CD6: variants seen among roughly 807,000 people sequenced by gnomAD.
CD6 encodes T-cell differentiation antigen CD6.
A neutral mutation model predicts 75.3 loss-of-function variants in CD6; 53 were observed. The observed-to-expected ratio is 0.70, with a 90% confidence interval of 0.56 to 0.88. CD6 has a LOEUF of 0.88. Among genes scored for constraint, CD6 ranks in the 40% least tolerant of loss-of-function variants. CD6 has a pLI of 0.00. For missense variants in CD6, 770 were observed against 897.1 expected (o/e 0.86, Z 1.81); for synonymous variants, 359 against 381.5 (o/e 0.94, Z 0.69).
At chr11:60,990,412 TG>T (rs1238006692) in intron 1 of CD6, among the ~76,000 whole-genome samples, 4 of 152,210 alleles carry the variant, frequency 2.6e-5, no homozygotes, top group African/African-American at 9.6e-5. Flanking sequence ...TCAGTAGAGA[TG>T]GGGTTTCACC....
chr11:61,006,162 A>G (rs1858847241), intron 1 of CD6, among the ~76,000 whole-genome samples: 1 of 152,136 alleles, frequency 6.6e-6, no homozygotes, highest in Non-Finnish European at 1.5e-5. Context: ...AGCTTTTTCT[A>G]TATGTCAAGT....
At position 61,017,762 on chromosome 11, in the gene CD6, T is replaced by C; in HGVS notation, c.1586T>C (p.Leu529Pro). The change falls in exon 11 of 13, where the codon CTT becomes CCT. Residue 529 changes from leucine to proline, a missense_variant. Leu to Pro is a moderately conservative substitution (Grantham distance 98). Coordinates refer to ENST00000313421, the MANE Select transcript of CD6 (RefSeq NM_006725.5). Reference sequence around the variant, plus strand: ...CATTCTCCCTTTCCTGCCTTAGGACTTGAAGAGTTGCATGCCTCCCACATC... The same window carrying C: ...CATTCTCCCTTTCCTGCCTTAGGACCTGAAGAGTTGCATGCCTCCCACATC... ...RFQMPPLEEG[L>P]EELHASHIPT... 1 of 1,614,096 alleles carries C rather than the reference T, an allele frequency of 6.2e-7. No individual in the cohort carries two copies. Among genetic ancestry groups the C allele is most frequent in the African/African-American group, 1.3e-5 (1 of 75,030 alleles).
chr11:60,984,892 G>A (rs1055211120), intron 1 of CD6, among the ~76,000 whole-genome samples: 1 of 152,204 alleles, frequency 6.6e-6, no homozygotes, highest in Non-Finnish European at 1.5e-5. Flanking sequence ...GAGTTGGAGA[G>A]GCTGGCAGGG....
Position 61,015,732 on chromosome 11 carries a change from G to T in CD6, c.1407G>T (p.Gln469His). 1 of 1,614,142 alleles carries T rather than the reference G, an allele frequency of 6.2e-7. No homozygotes were observed. The highest frequency in any genetic ancestry group is 8.5e-7 in the Non-Finnish European group (1 of 1,180,028). The change falls in exon 9 of 13, where the codon CAG becomes CAT. Residue 469 changes from glutamine to histidine, a missense_variant. Gln to His is a conservative substitution (Grantham distance 24). Coordinates refer to ENST00000313421, the MANE Select transcript of CD6 (RefSeq NM_006725.5). ...IPKEVFMLPIQVQAPPPEDSD... is the reference protein window; with the variant it reads ...IPKEVFMLPIHVQAPPPEDSD... ...CCCCAGTTTTCATGCTGCCCATCCA[G>T]GTCCAGGCCCCGCCCCCTGAGGACT...
chr11:60,971,701 G>T lies in CD6; in HGVS notation c.-165G>T. On this transcript the variant is annotated 5_prime_UTR_variant, in exon 1 of 13. Transcript: ENST00000313421. The stretch of plus-strand genomic sequence containing the variant: ...AGACACTCACAGGTTGGGTTTGATC[G>T]CATGCGTGTCGGAGAGGAGAGAGCA... 1.5e-6 allele frequency: 1 copy of T among 658,184 alleles called. No individual in the cohort carries two copies. The highest frequency in any genetic ancestry group is 2.7e-6 in the Non-Finnish European group (1 of 375,856). The allele number at this position is 658,184 out of a possible 1,614,324, so 40.8% of individuals were successfully genotyped here.
chr11:60,995,025 C>T (rs901345757), intron 1 of CD6, among the ~76,000 whole-genome samples: 1 of 152,206 alleles, frequency 6.6e-6, no homozygotes, highest in African/African-American at 2.4e-5. Context: ...TCAGCCCAAC[C>T]GGGTGTCACA....
In CD6 at chr11:61,013,472, G is replaced by A. The variant is rs751038603; in HGVS notation, c.1200G>A (p.Met400Ile). The A allele has an allele frequency of 2.5e-5, 41 of 1,613,942 alleles. No homozygotes were observed. The highest frequency in any genetic ancestry group is 3.4e-5 in the Non-Finnish European group (40 of 1,179,918). ...KIENKESREL[M>I]LLIPSIVLGI... Reference sequence around the variant, plus strand: ...AGAACAAGGAATCTCGGGAGCTAATGCTCCTCATCCCCTCCATCGTTCTGG... The same window carrying A: ...AGAACAAGGAATCTCGGGAGCTAATACTCCTCATCCCCTCCATCGTTCTGG... The change falls in exon 7 of 13, where the codon ATG (methionine) becomes ATA (isoleucine). Residue 400 changes from methionine to isoleucine, a missense_variant. Coordinates refer to ENST00000313421, the MANE Select transcript of CD6 (RefSeq NM_006725.5).
intron 10 of CD6, 100 bp downstream of exon 10, chr11:61,017,650 T>C: frequency 6.3e-7 from 1 of 1,579,126 alleles, no homozygotes; most frequent in Non-Finnish European, 8.7e-7. Context: ...TCAATGAGTC[T>C]TTCCTGACTT....
intron 1 of CD6, among the ~76,000 whole-genome samples, chr11:60,990,054 G>C: frequency 6.6e-6 from 1 of 151,400 alleles, no homozygotes; most frequent in Admixed American, 6.6e-5. Flanking sequence ...ATTTTATTTA[G>C]TAAAAATAGT....
chr11:61,008,116 A>G (rs972681671), intron 3 of CD6, among the ~76,000 whole-genome samples: 1 of 152,098 alleles, frequency 6.6e-6, no homozygotes, highest in Non-Finnish European at 1.5e-5. Context: ...TCTGGCCTCC[A>G]GACTCCACCC....
intron 1 of CD6, among the ~76,000 whole-genome samples, chr11:60,983,327 A>G (rs1192642399): frequency 6.6e-6 from 1 of 151,958 alleles, no homozygotes; most frequent in Non-Finnish European, 1.5e-5. Context: ...CCTGACCTCA[A>G]GCGATCCTCC....
Position 61,019,297 on chromosome 11 carries a change from C to G in CD6, c.1986C>G (p.Tyr662Ter). The change falls in exon 13 of 13, where the codon TAC becomes TAG. Residue 662 changes from tyrosine (Y) to a stop codon, truncating the protein, a stop_gained. Transcript: ENST00000313421. LOFTEE classifies it high-confidence loss of function. ...CTGACTCCACCGACAACGATGACTACGATGACATCAGCGCAGCCTAGGCCG... is the reference window on the plus strand; with the variant it reads ...CTGACTCCACCGACAACGATGACTAGGATGACATCAGCGCAGCCTAGGCCG... ...PQPDSTDNDD[Y>*]DDISAA The G allele has an allele frequency of 1.2e-6, 2 of 1,610,300 alleles. No homozygotes were observed. The highest frequency in any genetic ancestry group is 1.7e-6 in the Non-Finnish European group (2 of 1,179,838).
chr11:60,989,155 C>G (rs895677630), intron 1 of CD6: 1 of 152,192 alleles, frequency 6.6e-6, no homozygotes, highest in Non-Finnish European at 1.5e-5. Flanking sequence ...GGAACAAATT[C>G]AAATTTGGAT....
At chr11:61,001,721 C>T (rs1472719245) in intron 1 of CD6, among the ~76,000 whole-genome samples, 1 of 152,142 alleles carries the variant, frequency 6.6e-6, no homozygotes, top group Non-Finnish European at 1.5e-5. Flanking sequence ...TGCTTTTCCT[C>T]CCCCTATCTT....
rs927945723 is a variant in CD6 at position 61,015,762 on chromosome 11, C to A, written c.1437C>A (p.Asp479Glu). The change falls in exon 9 of 13, where the codon GAC becomes GAA. Residue 479 changes from aspartate (D) to glutamate (E), a missense_variant. Coordinates refer to ENST00000313421, the MANE Select transcript of CD6 (RefSeq NM_006725.5). ...QVQAPPPEDS[D>E]SGSDSDYEHY... The stretch of plus-strand genomic sequence containing the variant: ...AGGCCCCGCCCCCTGAGGACTCAGA[C>A]TCTGGCTCGGACTCAGACTATGAGC... The A allele has an allele frequency of 1.4e-5, 22 of 1,614,234 alleles. No homozygotes were observed. Among genetic ancestry groups the A allele is most frequent in the Non-Finnish European group, 1.8e-5 (21 of 1,180,032 alleles).
In CD6 at chr11:61,017,830, C is replaced by G. The variant is rs751954774; in HGVS notation, c.1654C>G (p.Leu552Val). The change falls in exon 11 of 13, where the codon CTG (leucine) becomes GTG (valine). Residue 552 changes from leucine to valine, a missense_variant. Transcript: ENST00000313421. ...ACACTGCATTACAGACCCGCCATCC[C>G]TGGGCCCTCAGTATCACCCGAGGAG... ...PGHCITDPPS[L>V]GPQYHPRSNS... The G allele has an allele frequency of 5.6e-6, 9 of 1,614,162 alleles. No individual in the cohort carries two copies. Among genetic ancestry groups the G allele is most frequent in the Non-Finnish European group, 7.6e-6 (9 of 1,180,008 alleles).
At chr11:60,999,596 A>G (rs566422353) in intron 1 of CD6, among the ~76,000 whole-genome samples, 1 of 152,140 alleles carries the variant, frequency 6.6e-6, no homozygotes, top group Admixed American at 6.5e-5. Context: ...TTATCCCCAC[A>G]TCATTAAATA....
intron 5 of CD6, 115 bp downstream of exon 5, chr11:61,009,989 T>C (rs1017032748): frequency 7.8e-6 from 8 of 1,029,914 alleles, no homozygotes; most frequent in South Asian, 1.7e-5. Context: ...ATGGCACATA[T>C]GGCATAAGAA....
At chr11:61,006,722 C>T (rs535179863) in intron 2 of CD6, 80 bp downstream of exon 2, 3 of 1,182,230 alleles carry the variant, frequency 2.5e-6, no homozygotes, top group East Asian at 5.1e-5. Flanking sequence ...GGGAAATGGA[C>T]ATTTAGGATA....
Sources: gnomAD v4.1 joint callset for allele counts (sites outside exome capture counted in the v4.1 genomes callset) on GRCh38, gnomAD v4.1.1 for gene constraint, MANE v1.5 for transcripts, NCBI Gene and HGNC (gene_info 2026-07-23, HGNC 2026-07-21) for gene names.